Variants in MICU1 observed in about 807,000 individuals in gnomAD.
The protein encoded by MICU1 is calcium uptake protein 1, mitochondrial.
MICU1 carries 45 observed loss-of-function variants against 56.8 expected under a neutral mutation model. The observed-to-expected ratio is 0.79, with a 90% CI of 0.62 to 1.02. The LOEUF (loss-of-function observed/expected upper bound fraction) is 1.02. Among genes scored for constraint, MICU1 ranks in the 50% least tolerant of loss-of-function variants. The probability of loss-of-function intolerance (pLI) is 0.00; values close to 1 mark genes in which losing one functional copy is unlikely to be tolerated. For synonymous variants in MICU1, 186 were observed against 195.1 expected (o/e 0.95, Z 0.39); for missense variants, 504 against 587.1 (o/e 0.86, Z 1.46).
intron 1 of MICU1, among the ~76,000 whole-genome samples, chr10:72,611,407 T>A (rs979868633): frequency 1.3e-5 from 2 of 151,860 alleles, no homozygotes; most frequent in Middle Eastern, 6.9e-3. Context: ...AGGTCAGGAC[T>A]TGGAGACCAG....
At chr10:72,391,336 G>T (rs1160762986) in intron 10 of MICU1, among the ~76,000 whole-genome samples, 1 of 152,122 alleles carries the variant, frequency 6.6e-6, no homozygotes, top group Non-Finnish European at 1.5e-5. Context: ...GGAGGCTGAG[G>T]CAGGAGGATC....
chr10:72,434,473 C>G (rs1246639965), intron 8 of MICU1, among the ~76,000 whole-genome samples: 1 of 151,990 alleles, frequency 6.6e-6, no homozygotes, highest in Non-Finnish European at 1.5e-5. Flanking sequence ...GATGACTCTT[C>G]AGCAAGCAGA....
At chr10:72,464,260 C>T (rs1865720924) in intron 8 of MICU1, among the ~76,000 whole-genome samples, 1 of 140,030 alleles carries the variant, frequency 7.1e-6, no homozygotes, top group South Asian at 2.2e-4. Flanking sequence ...TGTACCACTG[C>T]ACTCTAGCCG....
intron 10 of MICU1, among the ~76,000 whole-genome samples, chr10:72,397,820 A>C (rs1186626056): frequency 3.3e-5 from 5 of 152,218 alleles, no homozygotes; most frequent in South Asian, 2.1e-4. Context: ...CTGGACTCCC[A>C]CACAATAATA....
At chr10:72,610,041 A>G (rs1264024762) in intron 1 of MICU1, among the ~76,000 whole-genome samples, 2 of 151,884 alleles carry the variant, frequency 1.3e-5, no homozygotes, top group African/African-American at 2.4e-5. Flanking sequence ...ATCTAAAAAA[A>G]AAAAGAAAAA....
At position 72,410,207 on chromosome 10, in the gene MICU1, A is replaced by G. The variant is rs1300152216; in HGVS notation, c.1072-2170T>C. Among the ~76,000 whole-genome samples the G allele has an allele frequency of 5.9e-5, 9 of 152,330 alleles. No individual in the cohort carries two copies. In the East Asian group the frequency reaches 1.5e-3, roughly 26 times the overall value. ...GTAGTTCATTCATTTTTATTGCTATAAAGTATTTCATTGTGTGAATATACC... is the reference window on the plus strand; with the variant it reads ...GTAGTTCATTCATTTTTATTGCTATGAAGTATTTCATTGTGTGAATATACC... On this transcript the variant is annotated intron_variant, in intron 9 of 11. Transcript: ENST00000361114.
intron 1 of MICU1, among the ~76,000 whole-genome samples, chr10:72,606,501 G>C (rs553482956): frequency 3.3e-5 from 5 of 151,464 alleles, no homozygotes; most frequent in Non-Finnish European, 2.9e-5. Flanking sequence ...CAACAAGAGC[G>C]AAATGATGTC....
At chr10:72,448,703 G>A (rs1564875607) in intron 8 of MICU1, among the ~76,000 whole-genome samples, 1 of 152,020 alleles carries the variant, frequency 6.6e-6, no homozygotes, top group African/African-American at 2.4e-5. Context: ...GCAGGTGAAT[G>A]GCAAAGGATC....
chr10:72,621,492 C>CA (rs1248567986), intron 1 of MICU1, among the ~76,000 whole-genome samples: 14 of 151,512 alleles, frequency 9.2e-5, no homozygotes, highest in Non-Finnish European at 1.5e-5. Flanking sequence ...AACTCCGTCT[C>CA]AAAAAATAAT....
chr10:72,368,517 A>T (rs1477788413), intron 11 of MICU1, among the ~76,000 whole-genome samples, 162 bp from the exon 12 acceptor site: 1 of 152,200 alleles, frequency 6.6e-6, no homozygotes, highest in Non-Finnish European at 1.5e-5. Flanking sequence ...TCCTTCCTCG[A>T]TATTTCCAAC....
chr10:72,548,331 G>A (rs1372061776), intron 4 of MICU1, among the ~76,000 whole-genome samples: 2 of 152,192 alleles, frequency 1.3e-5, no homozygotes, highest in African/African-American at 4.8e-5. Context: ...ATCAAATGCA[G>A]TGTAGAGGTT....
At chr10:72,389,241 C>G (rs1310886842) in intron 10 of MICU1, among the ~76,000 whole-genome samples, 2 of 152,194 alleles carry the variant, frequency 1.3e-5, no homozygotes, top group South Asian at 4.1e-4. Context: ...TTTCTGACTT[C>G]CCCAACAATC....
chr10:72,581,120 C>A (rs1173805991), intron 1 of MICU1, among the ~76,000 whole-genome samples: 1 of 152,174 alleles, frequency 6.6e-6, no homozygotes, highest in African/African-American at 2.4e-5. Context: ...TTTTCTTAAT[C>A]TATTTTATTA....
At chr10:72,573,769 GT>G (rs1840674327) in intron 1 of MICU1, among the ~76,000 whole-genome samples, 1 of 152,158 alleles carries the variant, frequency 6.6e-6, no homozygotes, top group Admixed American at 6.5e-5. Flanking sequence ...CCAGAAGGCA[GT>G]TGTTGCATTC....
At chr10:72,510,885 G>A (rs1867425737) in intron 5 of MICU1, among the ~76,000 whole-genome samples, 1 of 152,110 alleles carries the variant, frequency 6.6e-6, no homozygotes, top group Non-Finnish European at 1.5e-5. Context: ...ACCCACCTTG[G>A]CCTCCCAAAG....
chr10:72,370,172 G>A (rs1862286029), intron 11 of MICU1, among the ~76,000 whole-genome samples: 1 of 152,090 alleles, frequency 6.6e-6, no homozygotes. Context: ...CACTGCGCCT[G>A]GCCAAGAGCA....
At chr10:72,371,113 C>T (rs1862318592) in intron 11 of MICU1, among the ~76,000 whole-genome samples, 1 of 151,704 alleles carries the variant, frequency 6.6e-6, no homozygotes, top group South Asian at 2.1e-4. Context: ...GGGCTGGGTG[C>T]AGTGGCTCAC....
At chr10:72,436,756 C>T (rs1444497825) in intron 8 of MICU1, among the ~76,000 whole-genome samples, 2 of 152,060 alleles carry the variant, frequency 1.3e-5, no homozygotes, top group African/African-American at 4.8e-5. Flanking sequence ...ATGAGAACTT[C>T]GTGACGTATG....
chr10:72,490,798 T>C (rs546259986), intron 6 of MICU1, among the ~76,000 whole-genome samples: 1 of 152,316 alleles, frequency 6.6e-6, no homozygotes, highest in African/African-American at 2.4e-5. Flanking sequence ...CATGTGCCCT[T>C]TGCACAACAA....
Sources: allele counts gnomAD v4.1 joint callset (sites outside exome capture counted in the v4.1 genomes callset), GRCh38; gene constraint gnomAD v4.1.1; transcripts MANE v1.5; gene names NCBI Gene and HGNC (gene_info 2026-07-23, HGNC 2026-07-21).